SPEG: variants seen among roughly 807,000 people sequenced by gnomAD.
SPEG encodes the protein striated muscle enriched protein kinase, also known as striated muscle preferentially expressed protein kinase.
A neutral mutation model predicts 300.4 loss-of-function variants in SPEG; 114 were observed. The observed-to-expected ratio is 0.38, with a 90% CI of 0.33 to 0.44. The LOEUF (loss-of-function observed/expected upper bound fraction) is 0.44, where lower values mean the gene tolerates loss of function less well. Among genes scored for constraint, SPEG ranks in the 20% least tolerant of loss-of-function variants. SPEG has a pLI of 1.00. For synonymous variants in SPEG, 1,964 were observed against 2,018.9 expected, an observed-to-expected ratio of 0.97 and a Z score of 0.73; for missense variants, 4,201 against 4,586.2, an observed-to-expected ratio of 0.92 and a Z score of 2.43.
In SPEG at chr2:219,468,970, C is replaced by A; in HGVS notation, c.3413C>A (p.Ala1138Asp). The A allele has an allele frequency of 6.2e-7, 1 of 1,613,976 alleles. No individual in the cohort carries two copies. ...SEDEGLYAVS[A>D]VNTHGQAHCS... The stretch of plus-strand genomic sequence containing the variant: ...GACGAGGGGCTCTATGCGGTCAGTG[C>A]TGTTAACACCCATGGCCAGGCCCAC... Residue 1138 changes from alanine to aspartate, a missense_variant, in exon 12 of 41, where the codon GCT (alanine) becomes GAT (aspartate). Around this residue, in one of 4 missense-constraint regions of SPEG, gnomAD observed 1,047 missense variants for 1,356.8 expected, o/e 0.77. Transcript: ENST00000312358.
Position 219,477,731 on chromosome 2 carries a change from A to C in SPEG, c.4772A>C (p.Asp1591Ala). The change falls in exon 21 of 41, where the codon GAC becomes GCC. Residue 1591 changes from aspartate to alanine, a missense_variant. Asp to Ala is a moderately radical substitution (Grantham distance 126). This residue lies in a region of SPEG where 1,047 missense variants were observed against 1,356.8 expected (regional missense o/e 0.77). Coordinates refer to ENST00000312358, the MANE Select transcript of SPEG (RefSeq NM_005876.5). This position sits in a 1 kb window ranked among gnomAD's most constrained non-coding sequence, Gnocchi z 6.4. ...MEVEGVGEDE[D>A]HRGRRLSDFY... is the part of the protein sequence containing the mutation. ...GTCGAGGGGGTCGGGGAGGATGAGG[A>C]CCATCGAGGAAGGAGACTCAGCGAC... The C allele has an allele frequency of 6.2e-7, 1 of 1,608,068 alleles. No individual in the cohort carries two copies. Among genetic ancestry groups the C allele is most frequent in the Non-Finnish European group, 8.5e-7 (1 of 1,176,138 alleles).
chr2:219,477,217 C>CTGGTACAGCGG lies in SPEG; in HGVS notation c.4561-60_4561-59insTGGTACAGCGG, dbSNP rs1372989024. 24 of 1,539,490 alleles carry CTGGTACAGCGG rather than the reference C, an allele frequency of 1.6e-5. No individual in the cohort carries two copies. Among genetic ancestry groups the CTGGTACAGCGG allele is most frequent in the Admixed American group, 3.8e-5 (2 of 53,018 alleles). On this transcript the variant is annotated intron_variant, in intron 19 of 40. Transcript: ENST00000312358. The surrounding 1 kb of genome is among the most constrained non-coding windows in gnomAD (Gnocchi z 6.4). ...CGCTGCCCAGAGTAGGAGATGAGGC[C>CTGGTACAGCGG]CTGGCCCCAAGGTAGAGATGAGGCC...
Position 219,491,792 on chromosome 2 carries a change from A to T in SPEG, c.9386-2A>T, listed in dbSNP as rs1330534645. On this transcript the variant is annotated splice_acceptor_variant, in intron 38 of 40. Coordinates refer to ENST00000312358, the MANE Select transcript of SPEG (RefSeq NM_005876.5). LOFTEE classifies it high-confidence loss of function. ...GTCAGCTTGGCCTCTGTCTCCTGTC[A>T]GCTCCGGAGATGGTGAAGGGAGAAC... The T allele has an allele frequency of 6.2e-7, 1 of 1,612,790 alleles. No individual in the cohort carries two copies.
chr2:219,482,316 A>T (rs1692925186), intron 28 of SPEG: 1 of 173,166 alleles, frequency 5.8e-6, no homozygotes, highest in African/African-American at 2.4e-5. Context: ...CAGACCGGAA[A>T]TGAGCTCCAG....
In SPEG at chr2:219,484,583, C is replaced by T; in HGVS notation, c.7120C>T (p.Arg2374Trp). The change falls in exon 30 of 41, where the codon CGG (arginine) becomes TGG (tryptophan). Residue 2374 changes from arginine (R) to tryptophan (W), a missense_variant. Arg to Trp is a moderately radical substitution (Grantham distance 101). Around this residue, in one of 4 missense-constraint regions of SPEG, gnomAD observed 1,578 missense variants for 1,506.0 expected, o/e 1.05. Transcript: ENST00000312358. ...RGAEEEDGIY[R>W]PSPAGTPLEL... ...GGCCGAGGAGGAGGATGGCATATAC[C>T]GGCCCAGCCCGGCGGGGACCCCGCT... 1 of 1,573,662 alleles carries T rather than the reference C, an allele frequency of 6.4e-7. No individual in the cohort carries two copies. The highest frequency in any genetic ancestry group is 8.6e-7 in the Non-Finnish European group (1 of 1,164,110).
At position 219,449,271 on chromosome 2, in the gene SPEG, G is replaced by C; in HGVS notation, c.2113G>C (p.Glu705Gln). The C allele has an allele frequency of 1.4e-6, 2 of 1,382,642 alleles. No homozygotes were observed. The highest frequency in any genetic ancestry group is 1.7e-5 in the South Asian group (1 of 58,296). The allele number at this position is 1,382,642 out of a possible 1,614,324, so 85.6% of individuals were successfully genotyped here. The change falls in exon 4 of 41, where the codon GAG (glutamate) becomes CAG (glutamine). Residue 705 changes from glutamate to glutamine, a missense_variant and splice_region_variant. This residue lies in a region of SPEG where 1,258 missense variants were observed against 1,293.9 expected (regional missense o/e 0.97). Coordinates refer to ENST00000312358, the MANE Select transcript of SPEG (RefSeq NM_005876.5). Reference protein sequence around the residue: ...RRARPTSPELESSDDSYVSAG... With the variant: ...RRARPTSPELQSSDDSYVSAG... ...GGCCCGGCCCACCTCCCCTGAGCTC[G>C]GTAAGGCCTCAGGGAGGGCTGACAA...
At position 219,451,428 on chromosome 2, in the gene SPEG, G is replaced by A; in HGVS notation, c.2257+149G>A. ...GGGGGCTGCCCTGACTTGGGTGTGTGTTCAGGGACATTTCTCAGGACCCCC... is the reference window on the plus strand; with the variant it reads ...GGGGGCTGCCCTGACTTGGGTGTGTATTCAGGGACATTTCTCAGGACCCCC... On this transcript the variant is annotated intron_variant, in intron 5 of 40. Transcript: ENST00000312358. The surrounding 1 kb of genome is among the most constrained non-coding windows in gnomAD (Gnocchi z 6.4). The A allele has an allele frequency of 8.1e-7, 1 of 1,233,190 alleles. No individual in the cohort carries two copies. Among genetic ancestry groups the A allele is most frequent in the Non-Finnish European group, 1.1e-6 (1 of 915,208 alleles). The allele number at this position is 1,233,190 out of a possible 1,614,324, so 76.4% of individuals were successfully genotyped here. A position where few individuals can be genotyped will look rare whatever the true frequency, so the allele number is the denominator to read the frequency against.
chr2:219,452,613 A>T (rs1034732569), intron 6 of SPEG, among the ~76,000 whole-genome samples: 1 of 151,654 alleles, frequency 6.6e-6, no homozygotes, highest in East Asian at 1.9e-4. Flanking sequence ...CAGAGGACCT[A>T]GGTTGGGGGA....
rs1210246928 is a variant in SPEG, at chr2:219,459,386, A to C, written c.2441-2496A>C. 6.6e-6 allele frequency among the ~76,000 whole-genome samples: 1 copy of C among 152,176 alleles called. No homozygotes were observed. The highest frequency in any genetic ancestry group is 2.4e-5 in the African/African-American group (1 of 41,444). ...CAGGGAAAAAACTAGGTGGCACCGGATTCTGGTATGGAGCCTCAGGAATCC... is the reference window on the plus strand; with the variant it reads ...CAGGGAAAAAACTAGGTGGCACCGGCTTCTGGTATGGAGCCTCAGGAATCC... On this transcript the variant is annotated intron_variant, in intron 6 of 40. Coordinates refer to ENST00000312358, the MANE Select transcript of SPEG (RefSeq NM_005876.5). This position sits in a 1 kb window ranked among gnomAD's most constrained non-coding sequence, Gnocchi z 4.9.
In SPEG at chr2:219,477,887, C is replaced by T. The variant is rs773770032; in HGVS notation, c.4827-18C>T. 25 of 1,612,470 alleles carry T rather than the reference C, an allele frequency of 1.6e-5. No individual in the cohort carries two copies. The Admixed American group carries it at 4.0e-4, about 26-fold the overall frequency. ...CACAGTGATGGCTGATCTCTGACCCCCTCCCTGTGTCAACCAGGGGTGCTT... is the reference window on the plus strand; with the variant it reads ...CACAGTGATGGCTGATCTCTGACCCTCTCCCTGTGTCAACCAGGGGTGCTT... On this transcript the variant is annotated intron_variant, in intron 21 of 40. Transcript: ENST00000312358. This position sits in a 1 kb window ranked among gnomAD's most constrained non-coding sequence, Gnocchi z 6.4.
chr2:219,443,511 GT>G lies in SPEG; in HGVS notation c.389-1140del. 2.9e-6 allele frequency: 1 copy of G among 350,078 alleles called. No individual in the cohort carries two copies. The highest frequency in any genetic ancestry group is 5.4e-6 in the Non-Finnish European group (1 of 186,640). The allele number at this position is 350,078 out of a possible 1,614,324, so 21.7% of individuals were successfully genotyped here. A position where few individuals can be genotyped will look rare whatever the true frequency, so the allele number is the denominator to read the frequency against. The stretch of plus-strand genomic sequence containing the variant: ...ACAGAACCTGCTAGAATCTGGGAAA[GT>G]TGAAAATACTCCCAGGAACCTTTTC... On this transcript the variant is annotated intron_variant, in intron 1 of 40. Transcript: ENST00000312358. This position sits in a 1 kb window ranked among gnomAD's most constrained non-coding sequence, Gnocchi z 4.6.
chr2:219,482,813 G>C lies in SPEG; in HGVS notation c.5595G>C (p.Thr1865=), dbSNP rs760748935. 2 of 1,613,866 alleles carry C rather than the reference G, an allele frequency of 1.2e-6. No individual in the cohort carries two copies. Among genetic ancestry groups the C allele is most frequent in the Non-Finnish European group, 1.7e-6 (2 of 1,179,932 alleles). ...KTQAKGAEVS[T]DHLKLFLSRR... ...AGGCAAAGGGCGCAGAGGTGAGCAC[G>C]GATCACCTGAAGCTATTCCTCTCCC... Residue 1865 remains threonine (T), a synonymous_variant, in exon 29 of 41, where the codon ACG becomes ACC. Coordinates refer to ENST00000312358, the MANE Select transcript of SPEG (RefSeq NM_005876.5).
chr2:219,448,623 G>A lies in SPEG; in HGVS notation c.1465G>A (p.Asp489Asn). 1 of 1,481,060 alleles carries A rather than the reference G, an allele frequency of 6.8e-7. No homozygotes were observed. Among genetic ancestry groups the A allele is most frequent in the Non-Finnish European group, 8.9e-7 (1 of 1,123,556 alleles). The allele number at this position is 1,481,060 out of a possible 1,614,324, so 91.7% of individuals were successfully genotyped here. Reference sequence around the variant, plus strand: ...CACGCGTCAGCGCAGCCCGGCCTCAGACCTCGAGCTGCGCTTCGCCCAGGA... The same window carrying A: ...CACGCGTCAGCGCAGCCCGGCCTCAAACCTCGAGCTGCGCTTCGCCCAGGA... ...ERTRQRSPASDLELRFAQELG... is the reference protein window; with the variant it reads ...ERTRQRSPASNLELRFAQELG... Residue 489 changes from aspartate (D) to asparagine (N), a missense_variant, in exon 4 of 41, where the codon GAC becomes AAC. This residue lies in a region of SPEG where 1,258 missense variants were observed against 1,293.9 expected (regional missense o/e 0.97). Transcript: ENST00000312358.
Position 219,444,687 on chromosome 2 carries a change from G to T in SPEG, c.423G>T (p.Val141=), listed in dbSNP as rs1165767028. 1 of 1,614,078 alleles carries T rather than the reference G, an allele frequency of 6.2e-7. No individual in the cohort carries two copies. Among genetic ancestry groups the T allele is most frequent in the Non-Finnish European group, 8.5e-7 (1 of 1,179,944 alleles). The part of the protein sequence containing the change: ...SETAEDDISD[V]QGTQRLELRD... ...CGGCTGAGGATGACATCAGCGATGT[G>T]CAGGGAACCCAGCGCCTGGAGCTTC... The change falls in exon 2 of 41, where the codon GTG becomes GTT. Residue 141 remains valine (V), a synonymous_variant. Coordinates refer to ENST00000312358, the MANE Select transcript of SPEG (RefSeq NM_005876.5). The surrounding 1 kb of genome is among the most constrained non-coding windows in gnomAD (Gnocchi z 7.8).
chr2:219,465,957 G>A (rs1337644749), intron 9 of SPEG: 25 of 998,778 alleles, frequency 2.5e-5, no homozygotes, highest in Non-Finnish European at 3.5e-5. Flanking sequence ...GTGCATGTGT[G>A]CGTGTGCATG....
chr2:219,466,529 G>A (rs747086934), intron 9 of SPEG: 122 of 1,078,866 alleles, frequency 1.1e-4, no homozygotes, highest in Non-Finnish European at 1.3e-4. Context: ...CAAGGAGCAG[G>A]GGCTGTTGAC....
At position 219,488,592 on chromosome 2, in the gene SPEG, C is replaced by T. The variant is rs374942645; in HGVS notation, c.7953C>T (p.His2651=). The change falls in exon 33 of 41, where the codon CAC becomes CAT. Residue 2651 remains histidine (H), a synonymous_variant. Coordinates refer to ENST00000312358, the MANE Select transcript of SPEG (RefSeq NM_005876.5). The part of the protein sequence containing the change: ...LLSIPRAGKR[H]AGLYECSATN... ...GCATCCCCCGGGCGGGCAAGCGGCA[C>T]GCCGGTCTCTATGAGTGCTCGGCCA... 133 of 1,612,230 alleles carry T rather than the reference C, an allele frequency of 8.2e-5. No individual in the cohort carries two copies. The East Asian group carries it at 1.3e-3, about 16-fold the overall frequency.
Position 219,484,641 on chromosome 2 carries a change from C to G in SPEG, c.7178C>G (p.Ser2393Trp). 6.5e-7 allele frequency: 1 copy of G among 1,537,188 alleles called. No homozygotes were observed. The highest frequency in any genetic ancestry group is 8.7e-7 in the Non-Finnish European group (1 of 1,146,476). ...GTGCGACGGCCTGAGCGCTCACGCT[C>G]GGTGCAGGACCTCAGGGCTGTCGGA... ...ELVRRPERSR[S>W]VQDLRAVGEP... The change falls in exon 30 of 41, where the codon TCG becomes TGG. Residue 2393 changes from serine (S) to tryptophan (W), a missense_variant. Coordinates refer to ENST00000312358, the MANE Select transcript of SPEG (RefSeq NM_005876.5).
At chr2:219,462,112 G>A in intron 7 of SPEG, 55 bp downstream of exon 7, 1 of 1,423,172 alleles carries the variant, frequency 7.0e-7, no homozygotes, top group Admixed American at 2.2e-5. Context: ...TCCTTTGGGT[G>A]CCCCCTTGTT....
Sources: allele counts gnomAD v4.1 joint callset (sites outside exome capture counted in the v4.1 genomes callset), GRCh38; gene constraint gnomAD v4.1.1; regional missense constraint gnomAD v4.1.1; non-coding constraint Gnocchi (gnomAD v3.1); transcripts MANE v1.5; gene names NCBI Gene and HGNC (gene_info 2026-07-23, HGNC 2026-07-21).